PTPRN2: variants seen among roughly 807,000 people sequenced by gnomAD.
PTPRN2 encodes the protein receptor-type tyrosine-protein phosphatase N2.
A neutral mutation model predicts 118.8 loss-of-function variants in PTPRN2; 74 were observed. That is an observed-to-expected ratio of 0.62 (90% CI 0.52 to 0.76). PTPRN2 has a LOEUF of 0.76. Ranked by LOEUF, PTPRN2 falls within the 30% of genes least tolerant of loss-of-function variation. The probability of loss-of-function intolerance (pLI) is 0.00; values close to 1 mark genes in which losing one functional copy is unlikely to be tolerated. For synonymous variants in PTPRN2, 641 were observed against 608.0 expected, an observed-to-expected ratio of 1.05 and a Z score of -0.80; for missense variants, 1,481 against 1,394.4, an observed-to-expected ratio of 1.06 and a Z score of -0.99.
chr7:158,279,273 GAC>G (rs769391404), intron 3 of PTPRN2, among the ~76,000 whole-genome samples: 1 of 152,182 alleles, frequency 6.6e-6, no homozygotes, highest in Non-Finnish European at 1.5e-5. Context: ...CCTTTAGCTA[GAC>G]ACAGAGTGCT....
chr7:158,239,247 G>A (rs1288023113), intron 3 of PTPRN2, among the ~76,000 whole-genome samples: 1 of 152,172 alleles, frequency 6.6e-6, no homozygotes, highest in Non-Finnish European at 1.5e-5. Context: ...TTCCCCTTGG[G>A]GCACTGTCTC....
intron 12 of PTPRN2, among the ~76,000 whole-genome samples, chr7:157,736,675 C>T (rs543101649): frequency 6.6e-6 from 1 of 152,152 alleles, no homozygotes; most frequent in Non-Finnish European, 1.5e-5. Flanking sequence ...CACAGATGCA[C>T]GCAGACGGCT....
intron 11 of PTPRN2, among the ~76,000 whole-genome samples, chr7:157,998,838 C>G (rs957911947): frequency 7.0e-6 from 1 of 142,392 alleles, no homozygotes; most frequent in South Asian, 2.3e-4. Flanking sequence ...AAAAAAAAAA[C>G]TCTACTTCAA....
intron 13 of PTPRN2, among the ~76,000 whole-genome samples, chr7:157,661,884 GGA>G (rs980658084): frequency 8.5e-5 from 13 of 152,220 alleles, no homozygotes; most frequent in African/African-American, 3.1e-4. Context: ...CTGCCACTTA[GGA>G]GAGTCTCTGC....
chr7:158,235,653 A>G (rs1022406110), intron 3 of PTPRN2, among the ~76,000 whole-genome samples: 6 of 152,204 alleles, frequency 3.9e-5, no homozygotes, highest in Non-Finnish European at 8.8e-5. Flanking sequence ...GACAGAAGAA[A>G]TAAAACCTAG....
chr7:157,801,160 G>A lies in PTPRN2; in HGVS notation c.1788+97513C>T, dbSNP rs1563123915. 6.6e-6 allele frequency among the ~76,000 whole-genome samples: 1 copy of A among 151,700 alleles called. No homozygotes were observed. The highest frequency in any genetic ancestry group is 1.5e-5 in the Non-Finnish European group (1 of 67,962). ...AGCTTTCTCTTTGTGGTGCTTATGT[G>A]GTGTCACAATGCGTCTTGTGCCTCT... On this transcript the variant is annotated intron_variant, in intron 12 of 22. Transcript: ENST00000389418. The surrounding 1 kb of genome is among the most constrained non-coding windows in gnomAD (Gnocchi z 4.2).
chr7:157,824,330 C>T (rs1807036796), intron 12 of PTPRN2, among the ~76,000 whole-genome samples: 1 of 152,244 alleles, frequency 6.6e-6, no homozygotes, highest in Non-Finnish European at 1.5e-5. Flanking sequence ...CAGAGAACCA[C>T]AAGAGGGCCT....
chr7:158,378,991 C>T (rs757562607), intron 2 of PTPRN2, among the ~76,000 whole-genome samples: 16 of 152,190 alleles, frequency 1.1e-4, no homozygotes, highest in South Asian at 2.1e-4. Context: ...TGCATCTGCA[C>T]GCACTCCTGT....
chr7:158,096,082 G>GT (rs535856745), intron 10 of PTPRN2, among the ~76,000 whole-genome samples: 32 of 152,124 alleles, frequency 2.1e-4, no homozygotes, highest in African/African-American at 3.6e-4. Context: ...AAATTAGAGT[G>GT]TTTTTTTTCC....
intron 11 of PTPRN2, among the ~76,000 whole-genome samples, chr7:157,983,000 AGAGAC>A (rs1803426173): frequency 1.5e-4 from 1 of 6,688 alleles, no homozygotes; most frequent in African/African-American, 8.4e-4. Context: ...CCCGAGTCAC[AGAGAC>A]GAGGAGGGGA....
intron 1 of PTPRN2, among the ~76,000 whole-genome samples, chr7:158,524,797 T>A (rs1824645159): frequency 1.3e-5 from 2 of 152,154 alleles, no homozygotes; most frequent in South Asian, 4.1e-4. Context: ...CCCCACGGAA[T>A]CTGCATACAC....
chr7:157,581,100 C>A (rs1800359719), intron 17 of PTPRN2, among the ~76,000 whole-genome samples: 1 of 150,686 alleles, frequency 6.6e-6, no homozygotes, highest in Non-Finnish European at 1.5e-5. Flanking sequence ...CACACTCCAG[C>A]ACCTGCACAC....
rs374947199 is a variant in PTPRN2 at position 158,248,682 on chromosome 7, TAC to T, written c.278-43411_278-43410del. ...CCCACACAGCACATATGTGCATATA[TAC>T]ACCACACACGTGCACACACGCCACA... On this transcript the variant is annotated intron_variant, in intron 3 of 22. Transcript: ENST00000389418. Among the ~76,000 whole-genome samples, 449 of 140,270 alleles carry T rather than the reference TAC, an allele frequency of 3.2e-3. 3 individuals are homozygous for T. The highest frequency in any genetic ancestry group is 0.012 in the African/African-American group (426 of 36,610). The allele number at this position is 140,270 out of a possible 152,430, so 92.0% of individuals were successfully genotyped here. A position where few individuals can be genotyped will look rare whatever the true frequency, so the allele number is the denominator to read the frequency against.
At chr7:157,864,058 C>T (rs55859645) in intron 12 of PTPRN2, 42,735 of 152,254 alleles carry the variant, frequency 0.28, 7,151 homozygotes, top group East Asian at 0.46. Context: ...ACGGCTATGT[C>T]GAAGCTAATT....
chr7:158,469,022 C>A (rs1321142875), intron 2 of PTPRN2, among the ~76,000 whole-genome samples: 28 of 108,358 alleles, frequency 2.6e-4, no homozygotes, highest in African/African-American at 9.3e-4. Context: ...TATGCACACC[C>A]ACACACACTC....
At chr7:158,456,355 G>T (rs563774532) in intron 2 of PTPRN2, among the ~76,000 whole-genome samples, 23 of 145,070 alleles carry the variant, frequency 1.6e-4, no homozygotes, top group Non-Finnish European at 2.8e-4. Context: ...ATAACAGCAT[G>T]GACGCCATTG....
intron 11 of PTPRN2, among the ~76,000 whole-genome samples, chr7:157,992,427 T>C (rs963958077): frequency 2.6e-5 from 4 of 152,206 alleles, no homozygotes; most frequent in Non-Finnish European, 5.9e-5. Flanking sequence ...GCTGGCAGGT[T>C]GGGGGACCGG....
chr7:157,669,416 T>C (rs1292166207), intron 13 of PTPRN2: 1 of 419,516 alleles, frequency 2.4e-6, no homozygotes, highest in African/African-American at 2.3e-5. Context: ...CACACACGTG[T>C]TTGCACGCGC....
At chr7:158,318,695 G>C (rs1185982466) in intron 2 of PTPRN2, among the ~76,000 whole-genome samples, 1 of 152,256 alleles carries the variant, frequency 6.6e-6, no homozygotes, top group East Asian at 1.9e-4. Flanking sequence ...CCAGAGCAGT[G>C]ACGGTGCCGG....
Sources: gnomAD v4.1 joint callset for allele counts (sites outside exome capture counted in the v4.1 genomes callset) on GRCh38, gnomAD v4.1.1 for gene constraint, Gnocchi (gnomAD v3.1) non-coding constraint, MANE v1.5 for transcripts, NCBI Gene and HGNC (gene_info 2026-07-23, HGNC 2026-07-21) for gene names.